B3GNT6: variants seen among roughly 807,000 people sequenced by gnomAD.
B3GNT6 encodes the protein UDP-GlcNAc:betaGal beta-1,3-N-acetylglucosaminyltransferase 6.
For missense variants in B3GNT6, 624 were observed against 568.6 expected (o/e 1.10, Z -0.99); for synonymous variants, 300 against 270.0 (o/e 1.11, Z -1.09).
intron 1 of B3GNT6, among the ~76,000 whole-genome samples, chr11:77,038,917 C>CT (rs1328465489): frequency 6.6e-6 from 1 of 151,462 alleles, no homozygotes; most frequent in African/African-American, 2.4e-5. Context: ...TAGGAATTCA[C>CT]TAACCCTTCG....
chr11:77,038,954 C>A (rs1434812017), intron 1 of B3GNT6, among the ~76,000 whole-genome samples: 1 of 152,152 alleles, frequency 6.6e-6, no homozygotes, highest in African/African-American at 2.4e-5. Context: ...TCAGACCCAG[C>A]CATCGGAACT....
At position 77,040,768 on chromosome 11, in the gene B3GNT6, C is replaced by G. The variant is rs1032559667; in HGVS notation, c.*62C>G. On this transcript the variant is annotated 3_prime_UTR_variant, in exon 2 of 2. Coordinates refer to ENST00000622824, the MANE Select transcript of B3GNT6 (RefSeq NM_138706.5). ...ATGTCCATGCTGAGAAGGCAGCTTT[C>G]CCGCTCTGGGTACCTTACGTCCTGC... 11 of 1,492,478 alleles carry G rather than the reference C, an allele frequency of 7.4e-6. No individual in the cohort carries two copies. Among genetic ancestry groups the G allele is most frequent in the Non-Finnish European group, 9.7e-6 (11 of 1,128,802 alleles). 92.5% of individuals were successfully genotyped at this position (1,492,478 alleles called of 1,614,324 possible).
At chr11:77,037,353 G>C (rs145366297) in intron 1 of B3GNT6, 1 of 152,160 alleles carries the variant, frequency 6.6e-6, no homozygotes, top group African/African-American at 2.4e-5. Flanking sequence ...GTGGGGAAAC[G>C]AGGGGAAGGA....
rs1310181940 is a variant in B3GNT6 at position 77,040,432 on chromosome 11, C to T, written c.881C>T (p.Ala294Val). 2 of 1,531,064 alleles carry T rather than the reference C, an allele frequency of 1.3e-6. No individual in the cohort carries two copies. Among genetic ancestry groups the T allele is most frequent in the East Asian group, 2.5e-5 (1 of 40,780 alleles). 94.8% of individuals were successfully genotyped at this position (1,531,064 alleles called of 1,614,324 possible). ...GFLLSGPTAR[A>V]LRAAARHTPL... ...CTCCTGTCCGGCCCCACGGCCCGGG[C>T]CCTGCGCGCGGCCGCCCGCCACACC... Residue 294 changes from alanine to valine, a missense_variant, in exon 2 of 2, where the codon GCC (alanine) becomes GTC (valine). By Grantham distance (64) the Ala-to-Val change is moderately conservative. Coordinates refer to ENST00000622824, the MANE Select transcript of B3GNT6 (RefSeq NM_138706.5).
Position 77,041,122 on chromosome 11 carries a change from C to A in B3GNT6, c.*416C>A, listed in dbSNP as rs985769819. On this transcript the variant is annotated 3_prime_UTR_variant, in exon 2 of 2. Coordinates refer to ENST00000622824, the MANE Select transcript of B3GNT6 (RefSeq NM_138706.5). ...GGGAGCGTGGGAGCCAGGATCAGCG[C>A]CCCCTGCCATGTGCCTACAAATGTC... 1.5e-4 allele frequency: 27 copies of A among 185,784 alleles called. No individual in the cohort carries two copies. Among genetic ancestry groups the A allele is most frequent in the South Asian group, 3.8e-4 (2 of 5,274 alleles). 11.5% of individuals were successfully genotyped at this position (185,784 alleles called of 1,614,324 possible). A position where few individuals can be genotyped will look rare whatever the true frequency, so the allele number is the denominator to read the frequency against.
rs781826107 is a variant in B3GNT6, at chr11:77,040,284, C to T, written c.733C>T (p.Leu245=). Residue 245 remains leucine, a synonymous_variant, in exon 2 of 2, where the codon CTG becomes TTG. Coordinates refer to ENST00000622824, the MANE Select transcript of B3GNT6 (RefSeq NM_138706.5). The part of the protein sequence containing the change: ...FLQAQPPGRH[L]FSGQLMEGSV... The stretch of plus-strand genomic sequence containing the variant: ...GCAGGCGCAGCCACCCGGCCGCCAC[C>T]TGTTCTCCGGCCAGCTCATGGAGGG... The T allele has an allele frequency of 2.4e-5, 38 of 1,593,572 alleles. No individual in the cohort carries two copies. Among genetic ancestry groups the T allele is most frequent in the East Asian group, 1.1e-4 (5 of 44,560 alleles).
rs1555027419 is a variant in B3GNT6 at position 77,039,680 on chromosome 11, G to T, written c.129G>T (p.Pro43=). ...APRSPREERS[P]QEETPEGPTD... is the part of the protein sequence containing the mutation. The stretch of plus-strand genomic sequence containing the variant: ...GGTCCCCGCGGGAGGAGAGGTCCCC[G>T]CAGGAGGAGACGCCAGAGGGTCCCA... The change falls in exon 2 of 2, where the codon CCG becomes CCT. Residue 43 remains proline (P), a synonymous_variant. Transcript: ENST00000622824. 1 of 1,612,390 alleles carries T rather than the reference G, an allele frequency of 6.2e-7. No homozygotes were observed. Among genetic ancestry groups the T allele is most frequent in the East Asian group, 2.2e-5 (1 of 44,794 alleles).
chr11:77,038,105 GAGA>G (rs1949652169), intron 1 of B3GNT6, among the ~76,000 whole-genome samples: 2 of 51,730 alleles, frequency 3.9e-5, no homozygotes, highest in Non-Finnish European at 7.3e-5. Flanking sequence ...GAGGGGGAGG[GAGA>G]GAAGGGAGGA....
Position 77,040,018 on chromosome 11 carries a change from T to G in B3GNT6, c.467T>G (p.Leu156Arg). 1.8e-5 allele frequency: 29 copies of G among 1,579,488 alleles called. No individual in the cohort carries two copies. Among genetic ancestry groups the G allele is most frequent in the Non-Finnish European group, 2.5e-5 (29 of 1,171,202 alleles). ...YGGRPVRRLF[L>R]LGTPGPEDEA... ...GGGCGGCCAGTGCGCCGCCTCTTTC[T>G]ATTGGGCACCCCGGGCCCCGAGGAC... The change falls in exon 2 of 2, where the codon CTA (leucine) becomes CGA (arginine). Residue 156 changes from leucine (L) to arginine (R), a missense_variant. Coordinates refer to ENST00000622824, the MANE Select transcript of B3GNT6 (RefSeq NM_138706.5).
rs782647418 is a variant in B3GNT6 at position 77,040,469 on chromosome 11, C to T, written c.918C>T (p.Pro306=). ...RAAARHTPLF[P]IDDAYMGMCL... is the part of the protein sequence containing the mutation. Reference sequence around the variant, plus strand: ...CCGCCCGCCACACCCCGCTCTTCCCCATCGACGACGCCTACATGGGCATGT... The same window carrying T: ...CCGCCCGCCACACCCCGCTCTTCCCTATCGACGACGCCTACATGGGCATGT... The change falls in exon 2 of 2, where the codon CCC becomes CCT. Residue 306 remains proline (P), a synonymous_variant. Transcript: ENST00000622824. 7.8e-5 allele frequency: 120 copies of T among 1,536,834 alleles called. No individual in the cohort carries two copies. The East Asian group carries it at 1.5e-3, about 19-fold the overall frequency.
Position 77,040,630 on chromosome 11 carries a change from C to G in B3GNT6, c.1079C>G (p.Pro360Arg). 1 of 1,600,552 alleles carries G rather than the reference C, an allele frequency of 6.2e-7. No individual in the cohort carries two copies. The highest frequency in any genetic ancestry group is 1.7e-4 in the Middle Eastern group (1 of 6,056). Residue 360 changes from proline to arginine, a missense_variant, in exon 2 of 2, where the codon CCC (proline) becomes CGC (arginine). Coordinates refer to ENST00000622824, the MANE Select transcript of B3GNT6 (RefSeq NM_138706.5). ...RELLLVHRFA[P>R]YEMLLMWKAL... Reference sequence around the variant, plus strand: ...TTGCTGCTAGTGCACCGCTTCGCGCCCTACGAGATGCTGCTCATGTGGAAG... The same window carrying G: ...TTGCTGCTAGTGCACCGCTTCGCGCGCTACGAGATGCTGCTCATGTGGAAG...
rs199952262 is a variant in B3GNT6, at chr11:77,040,003, T to A, written c.452T>A (p.Val151Glu). 1 of 1,574,688 alleles carries A rather than the reference T, an allele frequency of 6.4e-7. No individual in the cohort carries two copies. Among genetic ancestry groups the A allele is most frequent in the Non-Finnish European group, 8.6e-7 (1 of 1,169,286 alleles). ...GAGCGCAGCTACGGCGGGCGGCCAGTGCGCCGCCTCTTTCTATTGGGCACC... is the reference window on the plus strand; with the variant it reads ...GAGCGCAGCTACGGCGGGCGGCCAGAGCGCCGCCTCTTTCTATTGGGCACC... ...GQERSYGGRP[V>E]RRLFLLGTPG... Residue 151 changes from valine to glutamate, a missense_variant, in exon 2 of 2, where the codon GTG (valine) becomes GAG (glutamate). Val to Glu is a moderately radical substitution (Grantham distance 121). Transcript: ENST00000622824.
rs1949676578 is a variant in B3GNT6 at position 77,040,446 on chromosome 11, GC to G, written c.898del (p.Arg300AlafsTer55). The G allele has an allele frequency of 6.6e-7, 1 of 1,525,500 alleles. No homozygotes were observed. Among genetic ancestry groups the G allele is most frequent in the African/African-American group, 1.4e-5 (1 of 71,468 alleles). 94.5% of individuals were successfully genotyped at this position (1,525,500 alleles called of 1,614,324 possible). ...CACGGCCCGGGCCCTGCGCGCGGCC[GC>G]CCGCCACACCCCGCTCTTCCCCATC... The part of the protein sequence containing the change: ...GPTARALRAA[A>X]RHTPLFPIDD... On this transcript the variant is annotated frameshift_variant, in exon 2 of 2. Transcript: ENST00000622824. LOFTEE classifies it low-confidence loss of function (END_TRUNC).
rs1555027469 is a variant in B3GNT6 at position 77,039,835 on chromosome 11, A to G, written c.284A>G (p.Tyr95Cys). The G allele has an allele frequency of 2.5e-6, 4 of 1,573,174 alleles. No homozygotes were observed. The highest frequency in any genetic ancestry group is 8.6e-7 in the Non-Finnish European group (1 of 1,166,200). ...GCGCGCATCCAGGACTTCCTGCGGT[A>G]CCGCCACTGCCGCCACTTCCCGCTG... ...LPARIQDFLR[Y>C]RHCRHFPLLW... The change falls in exon 2 of 2, where the codon TAC becomes TGC. Residue 95 changes from tyrosine (Y) to cysteine (C), a missense_variant. Physicochemically the swap from Tyr to Cys is radical, Grantham distance 194 (BLOSUM62 -2). Coordinates refer to ENST00000622824, the MANE Select transcript of B3GNT6 (RefSeq NM_138706.5).
At chr11:77,039,523 G>C (rs782740964) in intron 1 of B3GNT6, 29 bp from the exon 2 acceptor site, 42 of 1,534,646 alleles carry the variant, frequency 2.7e-5, no homozygotes, top group Non-Finnish European at 3.5e-5. Flanking sequence ...ACGACTTCCG[G>C]CTCACCTCTG....
rs1488805430 is a variant in B3GNT6, at chr11:77,034,489, G to A, written c.-1+11G>A. Reference sequence around the variant, plus strand: ...TCTCAGAGACTGCAGGTAAGCTGGGGGCCTGGGCTTCTTCCTATTGGGAAG... The same window carrying A: ...TCTCAGAGACTGCAGGTAAGCTGGGAGCCTGGGCTTCTTCCTATTGGGAAG... On this transcript the variant is annotated intron_variant, in intron 1 of 1. Transcript: ENST00000622824. 1 of 152,656 alleles carries A rather than the reference G, an allele frequency of 6.6e-6. No individual in the cohort carries two copies. The highest frequency in any genetic ancestry group is 1.5e-5 in the Non-Finnish European group (1 of 68,158). 9.5% of individuals were successfully genotyped at this position (152,656 alleles called of 1,614,324 possible).
Position 77,040,584 on chromosome 11 carries a change from G to C in B3GNT6, c.1033G>C (p.Asp345His). ...GCCTGGCGCACAGCAGTCCTCCTTCGACCCCTGCATGTACCGCGAGTTGCT... is the reference window on the plus strand; with the variant it reads ...GCCTGGCGCACAGCAGTCCTCCTTCCACCCCTGCATGTACCGCGAGTTGCT... ...QLPGAQQSSF[D>H]PCMYRELLLV... Residue 345 changes from aspartate to histidine, a missense_variant, in exon 2 of 2, where the codon GAC becomes CAC. Transcript: ENST00000622824. 6.3e-7 allele frequency: 1 copy of C among 1,593,268 alleles called. No individual in the cohort carries two copies. Among genetic ancestry groups the C allele is most frequent in the Non-Finnish European group, 8.5e-7 (1 of 1,176,866 alleles).
Position 77,040,087 on chromosome 11 carries a change from C to T in B3GNT6, c.536C>T (p.Ala179Val), listed in dbSNP as rs782166923. 1 of 1,589,382 alleles carries T rather than the reference C, an allele frequency of 6.3e-7. No individual in the cohort carries two copies. The highest frequency in any genetic ancestry group is 2.3e-5 in the East Asian group (1 of 44,136). The change falls in exon 2 of 2, where the codon GCG becomes GTG. Residue 179 changes from alanine (A) to valine (V), a missense_variant. Physicochemically the swap from Ala to Val is moderately conservative, Grantham distance 64. Transcript: ENST00000622824. ...ERLAELVALE[A>V]REHGDVLQWA... ...CTGGCGGAGCTGGTGGCGCTGGAGG[C>T]GCGCGAGCACGGCGACGTGCTGCAG...
intron 1 of B3GNT6, among the ~76,000 whole-genome samples, chr11:77,035,115 A>C (rs1949623423): frequency 6.6e-6 from 1 of 152,182 alleles, no homozygotes; most frequent in Non-Finnish European, 1.5e-5. Flanking sequence ...GTCGAGAAAA[A>C]GAAAAAGAAA....
Sources: allele counts gnomAD v4.1 joint callset (sites outside exome capture counted in the v4.1 genomes callset), GRCh38; gene constraint gnomAD v4.1.1; transcripts MANE v1.5; gene names NCBI Gene and HGNC (gene_info 2026-07-23, HGNC 2026-07-21).